SLC71A2: variants seen among roughly 807,000 people sequenced by gnomAD.
SLC71A2 encodes hippocampus abundant transcript-like 1.
At chr9:94,407,677 C>G in the SLC71A2 span, among the ~76,000 whole-genome samples, 1 of 151,974 alleles carries the variant, frequency 6.6e-6, no homozygotes, top group East Asian at 1.9e-4. Flanking sequence ...GTGCCTGGCC[C>G]TATAGTTTTC....
chr9:94,453,010 C>T, the SLC71A2 span, among the ~76,000 whole-genome samples: 1 of 152,062 alleles, frequency 6.6e-6, no homozygotes, highest in East Asian at 1.9e-4. Flanking sequence ...CTACATTTGA[C>T]AAGGCTTATG....
At chr9:94,415,023 T>C in the SLC71A2 span, 1 of 643,876 alleles carries the variant, frequency 1.6e-6, no homozygotes, top group East Asian at 2.7e-5. Context: ...TAACACAGAA[T>C]GAAGTTTTAT....
chr9:94,427,893 G>A, the SLC71A2 span, among the ~76,000 whole-genome samples: 1 of 149,514 alleles, frequency 6.7e-6, no homozygotes, highest in South Asian at 2.2e-4. Flanking sequence ...GGAGGCCAAG[G>A]TGGATGGATC....
At chr9:94,445,243 A>G in the SLC71A2 span, 1 of 1,355,288 alleles carries the variant, frequency 7.4e-7, no homozygotes, top group Non-Finnish European at 1.0e-6. Context: ...AGCAAATGAA[A>G]GTATGTATGT....
chr9:94,444,318 AG>A, the SLC71A2 span, among the ~76,000 whole-genome samples: 1 of 152,214 alleles, frequency 6.6e-6, no homozygotes, highest in East Asian at 1.9e-4. Context: ...TATACTGGAT[AG>A]GGTCAGGTGG....
At chr9:94,384,752 C>T in the SLC71A2 span, among the ~76,000 whole-genome samples, 12 of 152,150 alleles carry the variant, frequency 7.9e-5, no homozygotes, top group African/African-American at 2.9e-4. Context: ...GAATGTCTCA[C>T]TTTGAAACTT....
the SLC71A2 span, among the ~76,000 whole-genome samples, chr9:94,393,687 G>A: frequency 4.1e-5 from 6 of 145,948 alleles, no homozygotes; most frequent in Non-Finnish European, 6.0e-5. Flanking sequence ...CTCAAAGGTT[G>A]TAGTGAGGAT....
the SLC71A2 span, among the ~76,000 whole-genome samples, chr9:94,428,488 G>T: frequency 2.7e-5 from 4 of 146,776 alleles, no homozygotes; most frequent in African/African-American, 7.7e-5. Context: ...TTTAATTTCC[G>T]TTTTTTAAAG....
At chr9:94,406,803 G>A in the SLC71A2 span, among the ~76,000 whole-genome samples, 1 of 152,032 alleles carries the variant, frequency 6.6e-6, no homozygotes, top group Admixed American at 6.6e-5. Context: ...CAGGTTTTTT[G>A]TGTGTGGAAT....
chr9:94,455,935 C>T, the SLC71A2 span, among the ~76,000 whole-genome samples: 1 of 152,024 alleles, frequency 6.6e-6, no homozygotes, highest in Non-Finnish European at 1.5e-5. Context: ...TCCTTGCGAA[C>T]TTCATTGAGC....
chr9:94,456,299 G>C, the SLC71A2 span: 6 of 1,614,154 alleles, frequency 3.7e-6, no homozygotes, highest in Non-Finnish European at 5.1e-6. Context: ...CCGGCAATCA[G>C]TGCCCTCGTC....
chr9:94,417,688 A>G, the SLC71A2 span, among the ~76,000 whole-genome samples: 140 of 152,308 alleles, frequency 9.2e-4, 1 homozygote, highest in African/African-American at 3.1e-3. Context: ...TAATGTGTGT[A>G]GGTGTGAATG....
the SLC71A2 span, among the ~76,000 whole-genome samples, chr9:94,391,769 G>A: frequency 6.6e-6 from 1 of 151,042 alleles, no homozygotes. Flanking sequence ...GGCACGTGTA[G>A]TCCCAGCTAC....
chr9:94,449,347 C>G, the SLC71A2 span, among the ~76,000 whole-genome samples: 6 of 152,148 alleles, frequency 3.9e-5, no homozygotes, highest in African/African-American at 1.4e-4. Context: ...TAACTTGTAT[C>G]CAGAATACAT....
chr9:94,388,080 T>C, the SLC71A2 span, among the ~76,000 whole-genome samples: 1 of 152,206 alleles, frequency 6.6e-6, no homozygotes, highest in East Asian at 1.9e-4. Context: ...CTTTATACTG[T>C]GATGCAGTAG....
chr9:94,418,757 CTTTTTT>C, the SLC71A2 span, among the ~76,000 whole-genome samples: 1 of 131,202 alleles, frequency 7.6e-6, no homozygotes, highest in Non-Finnish European at 1.7e-5. Flanking sequence ...TCCTTTAATT[CTTTTTT>C]TTTTTTTTTT....
chr9:94,460,821 C>G, the SLC71A2 span: 5 of 152,234 alleles, frequency 3.3e-5, no homozygotes, highest in African/African-American at 1.2e-4. Flanking sequence ...TATTTTGAAA[C>G]CTGTTCTGCT....
the SLC71A2 span, among the ~76,000 whole-genome samples, chr9:94,381,796 C>T: frequency 1.3e-5 from 2 of 152,170 alleles, no homozygotes; most frequent in African/African-American, 2.4e-5. Flanking sequence ...CATGGTAAGA[C>T]TCCGTCTTTA....
the SLC71A2 span, among the ~76,000 whole-genome samples, chr9:94,427,054 C>G: frequency 6.6e-6 from 1 of 152,130 alleles, no homozygotes; most frequent in Non-Finnish European, 1.5e-5. Flanking sequence ...CTTTGATCTT[C>G]TCTGAGATAT....
Sources: allele counts gnomAD v4.1 joint callset (sites outside exome capture counted in the v4.1 genomes callset), GRCh38; gene constraint gnomAD v4.1.1; transcripts MANE v1.5; gene names NCBI Gene and HGNC (gene_info 2026-07-23, HGNC 2026-07-21).